The following WASHC4 variants were observed in gnomAD, a reference collection of about 807,000 sequenced individuals.
WASHC4 encodes WASH complex subunit 4, also known as WASH complex subunit 7.
In WASHC4, 86 loss-of-function variants were observed where a neutral mutation model predicts 166.6. That is an observed-to-expected ratio of 0.52 (90% CI 0.43 to 0.62). The LOEUF is 0.62. Ranked by LOEUF, WASHC4 falls within the 20% of genes least tolerant of loss-of-function variation. The pLI, the probability that WASHC4 is intolerant of heterozygous loss-of-function variation, is 0.00. For missense variants in WASHC4, 1,262 were observed against 1,382.4 expected (o/e 0.91, Z 1.38); for synonymous variants, 446 against 451.6 (o/e 0.99, Z 0.16).
chr12:105,123,700 C>G (rs1028927533), intron 10 of WASHC4, among the ~76,000 whole-genome samples: 2 of 152,198 alleles, frequency 1.3e-5, no homozygotes. Flanking sequence ...CATGTAGAAG[C>G]CAGTAAGTTA....
rs533101289 is a variant in WASHC4, at chr12:105,143,333, G to T, written c.2010+90G>T. 8.1e-5 allele frequency: 60 copies of T among 744,106 alleles called. 1 individual carries two copies. The African/African-American group carries it at 1.0e-3, about 13-fold the overall frequency. 46.1% of individuals were successfully genotyped at this position (744,106 alleles called of 1,614,324 possible). ...TGTTCGATTGAAGCAGACTCACTGAGTTAAAATTATTTATAAATTGCTGGG... is the reference window on the plus strand; with the variant it reads ...TGTTCGATTGAAGCAGACTCACTGATTTAAAATTATTTATAAATTGCTGGG... On this transcript the variant is annotated intron_variant, in intron 20 of 32. Coordinates refer to ENST00000332180, the MANE Select transcript of WASHC4 (RefSeq NM_015275.3).
chr12:105,154,733 C>T (rs1388911123), intron 26 of WASHC4, among the ~76,000 whole-genome samples: 1 of 152,162 alleles, frequency 6.6e-6, no homozygotes, highest in Non-Finnish European at 1.5e-5. Context: ...GGTCTCTTAG[C>T]TAACATGTGG....
chr12:105,122,853 C>T (rs77479670), intron 10 of WASHC4, among the ~76,000 whole-genome samples: 14,593 of 152,128 alleles, frequency 0.096, 778 homozygotes, highest in East Asian at 0.23. Context: ...TAGCTCTTGT[C>T]CTTTCTCCCT....
At chr12:105,141,317 C>A in intron 18 of WASHC4, 71 bp downstream of exon 18, 2 of 1,070,374 alleles carry the variant, frequency 1.9e-6, no homozygotes, top group African/African-American at 1.5e-5. Context: ...TTCTTTTTAG[C>A]ATAGCAAGAG....
chr12:105,132,468 G>T (rs763623928), intron 13 of WASHC4, among the ~76,000 whole-genome samples: 9 of 152,134 alleles, frequency 5.9e-5, no homozygotes, highest in Non-Finnish European at 1.0e-4. Context: ...CACCATGCCC[G>T]GCCACATACT....
rs1336925677 is a variant in WASHC4, at chr12:105,109,494, T to C, written c.62-1631T>C. Among the ~76,000 whole-genome samples the C allele has an allele frequency of 2.6e-5, 4 of 152,358 alleles. No homozygotes were observed. In the South Asian group the frequency reaches 8.3e-4, roughly 32 times the overall value. ...TTAAAAAATTACCATGTAGTTCTTA[T>C]CTCAACTTTTGTTATTTTAACTTTC... On this transcript the variant is annotated intron_variant, in intron 1 of 32. Coordinates refer to ENST00000332180, the MANE Select transcript of WASHC4 (RefSeq NM_015275.3).
At chr12:105,111,287 TA>T in intron 2 of WASHC4, 23 bp downstream of exon 2, 2 of 1,476,610 alleles carry the variant, frequency 1.4e-6, no homozygotes, top group Non-Finnish European at 1.9e-6. Flanking sequence ...TTTTTAAAAA[TA>T]TATGTATATA....
intron 9 of WASHC4, 85 bp from the exon 10 acceptor site, chr12:105,122,033 A>C: frequency 1.1e-6 from 1 of 949,670 alleles, no homozygotes. Flanking sequence ...ATAAATATAA[A>C]ATTTTGACTT....
chr12:105,166,613 A>T (rs981900306), intron 32 of WASHC4, among the ~76,000 whole-genome samples: 1 of 152,146 alleles, frequency 6.6e-6, no homozygotes, highest in South Asian at 2.1e-4. Context: ...CCCCACCCCA[A>T]TACAGGTTCT....
chr12:105,115,305 T>G, intron 5 of WASHC4, 76 bp downstream of exon 5: 1 of 892,746 alleles, frequency 1.1e-6, no homozygotes, highest in Admixed American at 1.8e-5. Flanking sequence ...ATTTTAGGAC[T>G]ACTATGATTA....
In WASHC4 at chr12:105,121,146, C is replaced by G. The variant is rs1304830892; in HGVS notation, c.607C>G (p.Leu203Val). The G allele has an allele frequency of 6.2e-7, 1 of 1,613,052 alleles. No homozygotes were observed. The highest frequency in any genetic ancestry group is 8.5e-7 in the Non-Finnish European group (1 of 1,179,450). The change falls in exon 9 of 33, where the codon CTG (leucine) becomes GTG (valine). Residue 203 changes from leucine to valine, a missense_variant. Leu to Val is a conservative substitution (Grantham distance 32). Transcript: ENST00000332180. ...AGAACTGCTAACAGTTTTGCTCACC[C>G]TGGATGAAATTATTGATAATCATAT... ...LGELLTVLLTLDEIIDNHITL... is the reference protein window; with the variant it reads ...LGELLTVLLTVDEIIDNHITL...
At position 105,167,441 on chromosome 12, in the gene WASHC4, A is replaced by G. The variant is rs2061385588; in HGVS notation, c.*510A>G. The G allele has an allele frequency of 6.3e-6, 1 of 159,228 alleles. No individual in the cohort carries two copies. The highest frequency in any genetic ancestry group is 6.0e-5 in the Admixed American group (1 of 16,658). 9.9% of individuals were successfully genotyped at this position (159,228 alleles called of 1,614,324 possible). The stretch of plus-strand genomic sequence containing the variant: ...ATGGCTTTGATACTAGAGGTGAGGC[A>G]CAAGTGTTTTATGTACTCTCAGTGT... On this transcript the variant is annotated 3_prime_UTR_variant, in exon 33 of 33. Transcript: ENST00000332180.
At chr12:105,138,626 T>A (rs943054063) in intron 15 of WASHC4, among the ~76,000 whole-genome samples, 4 of 152,166 alleles carry the variant, frequency 2.6e-5, no homozygotes, top group African/African-American at 9.6e-5. Flanking sequence ...TTGTAAAAAT[T>A]GAAATTAAGA....
rs773334380 is a variant in WASHC4, at chr12:105,146,434, A to G, written c.2335-18A>G. 3.6e-6 allele frequency: 5 copies of G among 1,372,366 alleles called. No homozygotes were observed. The highest frequency in any genetic ancestry group is 1.2e-5 in the South Asian group (1 of 85,214). 85.0% of individuals were successfully genotyped at this position (1,372,366 alleles called of 1,614,324 possible). A position where few individuals can be genotyped will look rare whatever the true frequency, so the allele number is the denominator to read the frequency against. On this transcript the variant is annotated intron_variant, in intron 22 of 32. Transcript: ENST00000332180. Reference sequence around the variant, plus strand: ...TTTAATGAATTATAATAAAACTTGTATGTGTATTATGTTGTAGGGCCTTGA... The same window carrying G: ...TTTAATGAATTATAATAAAACTTGTGTGTGTATTATGTTGTAGGGCCTTGA...
chr12:105,132,742 T>C (rs1881957976), intron 13 of WASHC4, among the ~76,000 whole-genome samples: 1 of 151,648 alleles, frequency 6.6e-6, no homozygotes, highest in Non-Finnish European at 1.5e-5. Flanking sequence ...TGTTTGGAGG[T>C]TGTAGTACCT....
At chr12:105,137,220 A>T (rs1475237595) in intron 14 of WASHC4, among the ~76,000 whole-genome samples, 3 of 152,128 alleles carry the variant, frequency 2.0e-5, no homozygotes, top group Non-Finnish European at 4.4e-5. Flanking sequence ...AATAGCATTA[A>T]AAGAATTTTA....
chr12:105,165,279 A>T (rs150028411), intron 32 of WASHC4, among the ~76,000 whole-genome samples: 219 of 152,332 alleles, frequency 1.4e-3, no homozygotes, highest in African/African-American at 5.0e-3. Context: ...TAAGGAAAGG[A>T]TTCTGTCCAT....
intron 24 of WASHC4, 58 bp from the exon 25 acceptor site, chr12:105,149,557 T>A: frequency 8.5e-7 from 1 of 1,172,770 alleles, no homozygotes; most frequent in Non-Finnish European, 1.2e-6. Flanking sequence ...TTATTTGAAT[T>A]GATTTGAATT....
chr12:105,114,500 A>G (rs1297042668), intron 4 of WASHC4, 73 bp downstream of exon 4: 1 of 928,168 alleles, frequency 1.1e-6, no homozygotes, highest in Non-Finnish European at 1.7e-6. Context: ...ATATATGTAC[A>G]GTGTGCAATA....
Sources: allele counts gnomAD v4.1 joint callset (sites outside exome capture counted in the v4.1 genomes callset), GRCh38; gene constraint gnomAD v4.1.1; transcripts MANE v1.5; gene names NCBI Gene and HGNC (gene_info 2026-07-23, HGNC 2026-07-21).